PRKCE: variants seen among roughly 807,000 people sequenced by gnomAD.
PRKCE encodes protein kinase C epsilon type.
A neutral mutation model predicts 85.4 loss-of-function variants in PRKCE; 16 were observed. The ratio of observed to expected loss-of-function variants is 0.19; its 90% confidence interval spans 0.13 to 0.28. The LOEUF (loss-of-function observed/expected upper bound fraction) is 0.28, where lower values mean the gene tolerates loss of function less well. PRKCE is among the 10% of genes least tolerant of loss of function. The probability of loss-of-function intolerance (pLI) is 1.00; values close to 1 mark genes in which losing one functional copy is unlikely to be tolerated. For synonymous variants in PRKCE, 388 were observed against 371.5 expected, an observed-to-expected ratio of 1.04 and a Z score of -0.51; for missense variants, 573 against 975.2, an observed-to-expected ratio of 0.59 and a Z score of 5.49.
At chr2:46,067,072 C>T (rs1055941121) in intron 10 of PRKCE, among the ~76,000 whole-genome samples, 4 of 152,314 alleles carry the variant, frequency 2.6e-5, no homozygotes, top group Non-Finnish European at 5.9e-5. Context: ...TTAACCAGCA[C>T]ATTTGCTAAA....
rs554416883 is a variant in PRKCE at position 46,022,187 on chromosome 2, C to T, written c.1437+11670C>T. On this transcript the variant is annotated intron_variant, in intron 10 of 14. Coordinates refer to ENST00000306156, the MANE Select transcript of PRKCE (RefSeq NM_005400.3). ...CAAGAAACTGCAGGTCTAGCTGTGACTTCTGCCACTGATGCTTGCTCTGAG... is the reference window on the plus strand; with the variant it reads ...CAAGAAACTGCAGGTCTAGCTGTGATTTCTGCCACTGATGCTTGCTCTGAG... Among the ~76,000 whole-genome samples, 776 of 152,300 alleles carry T rather than the reference C, an allele frequency of 5.1e-3. 4 individuals carry two copies. The highest frequency in any genetic ancestry group is 7.9e-3 in the Non-Finnish European group (540 of 68,032).
intron 2 of PRKCE, among the ~76,000 whole-genome samples, chr2:45,887,648 TG>T (rs1449445854): frequency 6.6e-6 from 1 of 152,128 alleles, no homozygotes; most frequent in African/African-American, 2.4e-5. Context: ...ATGACTTTTA[TG>T]GTTCTAGAAC....
At chr2:45,859,972 G>A (rs964962692) in intron 2 of PRKCE, among the ~76,000 whole-genome samples, 2 of 152,124 alleles carry the variant, frequency 1.3e-5, no homozygotes, top group Admixed American at 6.5e-5. Flanking sequence ...TCGTCCTACT[G>A]CCTCCATTTT....
At chr2:45,742,889 A>T (rs1682695927) in intron 1 of PRKCE, among the ~76,000 whole-genome samples, 1 of 152,240 alleles carries the variant, frequency 6.6e-6, no homozygotes, top group Admixed American at 6.5e-5. Context: ...AAACAACCTA[A>T]GTGTCTGTTG....
intron 1 of PRKCE, among the ~76,000 whole-genome samples, chr2:45,772,698 G>A (rs1465173676): frequency 6.6e-6 from 1 of 152,080 alleles, no homozygotes; most frequent in African/African-American, 2.4e-5. Context: ...TTGAGCATCT[G>A]CCACATGCTC....
chr2:46,094,705 A>G (rs1216819271), intron 11 of PRKCE, among the ~76,000 whole-genome samples: 1 of 152,028 alleles, frequency 6.6e-6, no homozygotes, highest in African/African-American at 2.4e-5. Flanking sequence ...TACCTAGGTG[A>G]TGGGATGATC....
At chr2:45,668,869 C>T (rs1344762855) in intron 1 of PRKCE, among the ~76,000 whole-genome samples, 3 of 152,074 alleles carry the variant, frequency 2.0e-5, no homozygotes, top group East Asian at 1.9e-4. Context: ...GGGAGGGGGA[C>T]GGCCCTTTCG....
intron 1 of PRKCE, among the ~76,000 whole-genome samples, chr2:45,709,576 C>G (rs1348072985): frequency 6.6e-6 from 1 of 152,212 alleles, no homozygotes; most frequent in Non-Finnish European, 1.5e-5. Flanking sequence ...CACCCCATCC[C>G]CATTCTGGAT....
At chr2:45,752,532 T>C (rs1236375233) in intron 1 of PRKCE, among the ~76,000 whole-genome samples, 1 of 152,044 alleles carries the variant, frequency 6.6e-6, no homozygotes, top group Non-Finnish European at 1.5e-5. Context: ...TTGTATGACG[T>C]TACGGTGATC....
chr2:46,160,243 C>T (rs957588123), intron 14 of PRKCE, among the ~76,000 whole-genome samples: 7 of 152,162 alleles, frequency 4.6e-5, no homozygotes, highest in African/African-American at 7.2e-5. Context: ...TTCTGGGAGG[C>T]CCACTGCGTA....
chr2:45,651,886 C>T lies in PRKCE; in HGVS notation c.-215C>T, dbSNP rs762235744. On this transcript the variant is annotated 5_prime_UTR_variant, in exon 1 of 15. Coordinates refer to ENST00000306156, the MANE Select transcript of PRKCE (RefSeq NM_005400.3). Reference sequence around the variant, plus strand: ...CACGGACATCCCCCAGCTCTCCCCCCTCCCTGTTTTCCGTTAGGAACCCGG... The same window carrying T: ...CACGGACATCCCCCAGCTCTCCCCCTTCCCTGTTTTCCGTTAGGAACCCGG... 8.1e-6 allele frequency: 4 copies of T among 494,460 alleles called. No individual in the cohort carries two copies. The highest frequency in any genetic ancestry group is 3.8e-5 in the Admixed American group (1 of 26,454). 30.6% of individuals were successfully genotyped at this position (494,460 alleles called of 1,614,324 possible). A position where few individuals can be genotyped will look rare whatever the true frequency, so the allele number is the denominator to read the frequency against.
At chr2:45,855,262 C>A (rs1267539373) in intron 2 of PRKCE, among the ~76,000 whole-genome samples, 3 of 152,012 alleles carry the variant, frequency 2.0e-5, no homozygotes, top group Non-Finnish European at 4.4e-5. Context: ...AAATCCAAGG[C>A]TTACACTGTA....
intron 10 of PRKCE, among the ~76,000 whole-genome samples, chr2:46,060,744 CTT>C (rs112560158): frequency 1.0e-4 from 14 of 140,080 alleles, no homozygotes; most frequent in African/African-American, 8.0e-5. Context: ...TTTCTCTCTC[CTT>C]TTTTTTTTTT....
chr2:46,077,328 T>C (rs1000759158), intron 10 of PRKCE, among the ~76,000 whole-genome samples: 3 of 152,168 alleles, frequency 2.0e-5, no homozygotes, highest in African/African-American at 7.2e-5. Context: ...TCAAGTTGTA[T>C]ACATGAAATA....
rs969863640 is a variant in PRKCE at position 45,786,257 on chromosome 2, C to T, written c.349-56743C>T. The stretch of plus-strand genomic sequence containing the variant: ...TGGGCTTTCCAGGTTGCCTGTCCAG[C>T]GTCTCTGTGTCTCCCTGGCCTGGCC... On this transcript the variant is annotated intron_variant, in intron 1 of 14. Coordinates refer to ENST00000306156, the MANE Select transcript of PRKCE (RefSeq NM_005400.3). The surrounding 1 kb of genome is among the most constrained non-coding windows in gnomAD (Gnocchi z 5.3). Among the ~76,000 whole-genome samples, 4 of 152,174 alleles carry T rather than the reference C, an allele frequency of 2.6e-5. No individual in the cohort carries two copies. Among genetic ancestry groups the T allele is most frequent in the Non-Finnish European group, 2.9e-5 (2 of 68,022 alleles).
intron 1 of PRKCE, among the ~76,000 whole-genome samples, chr2:45,745,836 A>T (rs919847677): frequency 6.6e-6 from 1 of 152,170 alleles, no homozygotes; most frequent in African/African-American, 2.4e-5. Context: ...CAGTTTGTTC[A>T]GCATCGAATT....
chr2:45,804,972 C>A (rs900331846), intron 1 of PRKCE, among the ~76,000 whole-genome samples: 3 of 119,894 alleles, frequency 2.5e-5, no homozygotes, highest in African/African-American at 9.4e-5. Context: ...TGCATTTGCT[C>A]TATGTTCTGT....
rs1678215672 is a variant in PRKCE, at chr2:45,697,091, T to C, written c.348+44643T>C. Among the ~76,000 whole-genome samples, 1 of 152,216 alleles carries C rather than the reference T, an allele frequency of 6.6e-6. No individual in the cohort carries two copies. The highest frequency in any genetic ancestry group is 1.5e-5 in the Non-Finnish European group (1 of 68,046). On this transcript the variant is annotated intron_variant, in intron 1 of 14. Coordinates refer to ENST00000306156, the MANE Select transcript of PRKCE (RefSeq NM_005400.3). The surrounding 1 kb of genome is among the most constrained non-coding windows in gnomAD (Gnocchi z 4.2). Reference sequence around the variant, plus strand: ...TAATGTCCATGGTAATATTAAAGATTATCCCCTGATTGGAAAAGGTGGATG... The same window carrying C: ...TAATGTCCATGGTAATATTAAAGATCATCCCCTGATTGGAAAAGGTGGATG...
chr2:46,010,692 AT>A (rs1705594660), intron 10 of PRKCE, 175 bp downstream of exon 10: 3 of 1,598,480 alleles, frequency 1.9e-6, no homozygotes, highest in Non-Finnish European at 2.5e-6. Context: ...AGGGCACAGG[AT>A]TTTCCATTCA....
Sources: allele counts gnomAD v4.1 joint callset (sites outside exome capture counted in the v4.1 genomes callset), GRCh38; gene constraint gnomAD v4.1.1; non-coding constraint Gnocchi (gnomAD v3.1); transcripts MANE v1.5; gene names NCBI Gene and HGNC (gene_info 2026-07-23, HGNC 2026-07-21).